The following MOSMO variants were observed in gnomAD, a reference collection of about 807,000 sequenced individuals.
MOSMO encodes modulator of smoothened.
MOSMO carries 5 observed loss-of-function variants against 18.4 expected under a neutral mutation model. The ratio of observed to expected loss-of-function variants is 0.27; its 90% CI spans 0.14 to 0.57. The LOEUF (loss-of-function observed/expected upper bound fraction) is 0.57, where lower values mean the gene tolerates loss of function less well. Ranked by LOEUF, MOSMO falls within the 20% of genes least tolerant of loss-of-function variation. MOSMO has a pLI of 0.92. For missense variants in MOSMO, 138 were observed against 211.8 expected (o/e 0.65, Z 2.16); for synonymous variants, 82 against 82.3 (o/e 1.00, Z 0.02).
chr16:22,025,172 A>G (rs929270091), intron 1 of MOSMO, among the ~76,000 whole-genome samples: 12 of 151,738 alleles, frequency 7.9e-5, no homozygotes, highest in South Asian at 2.1e-4. Flanking sequence ...AAAAAATTCT[A>G]TCTGTTCAGC....
At chr16:22,040,704 A>T (rs896387052) in intron 1 of MOSMO, among the ~76,000 whole-genome samples, 1 of 152,240 alleles carries the variant, frequency 6.6e-6, no homozygotes, top group Non-Finnish European at 1.5e-5. Context: ...ATCTAAGCAG[A>T]TGGAGAAGAA....
intron 1 of MOSMO, among the ~76,000 whole-genome samples, chr16:22,068,704 A>T (rs1667676128): frequency 6.6e-6 from 1 of 152,078 alleles, no homozygotes; most frequent in Non-Finnish European, 1.5e-5. Context: ...ATGTATTAGT[A>T]GTTCTTTTTT....
intron 1 of MOSMO, among the ~76,000 whole-genome samples, chr16:22,066,084 C>A (rs1900742117): frequency 6.6e-6 from 1 of 152,178 alleles, no homozygotes; most frequent in Non-Finnish European, 1.5e-5. Flanking sequence ...AGCCTCACAG[C>A]TATAGTAGCT....
intron 2 of MOSMO, among the ~76,000 whole-genome samples, chr16:22,077,731 C>A (rs1315290559): frequency 6.6e-6 from 1 of 152,120 alleles, no homozygotes; most frequent in African/African-American, 2.4e-5. Context: ...CCTCCTGGGG[C>A]TCCCTAGTCA....
At chr16:22,036,431 T>C (rs1424828306) in intron 1 of MOSMO, among the ~76,000 whole-genome samples, 2 of 152,038 alleles carry the variant, frequency 1.3e-5, no homozygotes, top group African/African-American at 4.8e-5. Flanking sequence ...TGGCCTAAAA[T>C]TTTTATTTGT....
downstream of MOSMO, among the ~76,000 whole-genome samples, chr16:22,091,696 C>T (rs1449261196): frequency 1.3e-5 from 2 of 152,138 alleles, no homozygotes; most frequent in Non-Finnish European, 2.9e-5. Context: ...ACCTCATGTT[C>T]TAACTGATAA....
rs1421680421 is a variant in MOSMO at position 22,051,665 on chromosome 16, C to G, written c.107-23822C>G. Reference sequence around the variant, plus strand: ...AATAAATCAATAAGCATAAGTGATTCACTGAGTTGTGTGACTTGTTCCAGC... The same window carrying G: ...AATAAATCAATAAGCATAAGTGATTGACTGAGTTGTGTGACTTGTTCCAGC... On this transcript the variant is annotated intron_variant, in intron 1 of 2. Transcript: ENST00000542527. Among the ~76,000 whole-genome samples, 4 of 152,252 alleles carry G rather than the reference C, an allele frequency of 2.6e-5. No individual in the cohort carries two copies. The East Asian group carries it at 7.7e-4, about 29-fold the overall frequency.
chr16:22,042,099 A>C (rs1377839954), intron 1 of MOSMO, among the ~76,000 whole-genome samples: 1 of 152,164 alleles, frequency 6.6e-6, no homozygotes, highest in East Asian at 1.9e-4. Flanking sequence ...GGTTTGCTTC[A>C]TTTGTATGAC....
rs546006347 is a variant in MOSMO at position 22,075,261 on chromosome 16, T to C, written c.107-226T>C. ...GAATGCCTGAGTGAACTGCCTGTTA[T>C]GACTTTTCTGAGGTCATTTGTTATT... On this transcript the variant is annotated intron_variant, in intron 1 of 2. Coordinates refer to ENST00000542527, the MANE Select transcript of MOSMO (RefSeq NM_001164579.2). The C allele has an allele frequency of 1.6e-5, 10 of 643,334 alleles. No homozygotes were observed. In the Admixed American group the frequency reaches 2.1e-4, roughly 14 times the overall value. The allele number at this position is 643,334 out of a possible 1,614,324, so 39.9% of individuals were successfully genotyped here.
intron 1 of MOSMO, among the ~76,000 whole-genome samples, chr16:22,033,408 G>C (rs1463378981): frequency 2.0e-5 from 3 of 151,794 alleles, no homozygotes; most frequent in Non-Finnish European, 4.4e-5. Context: ...GTTTTTTTGA[G>C]AGGGAGTCTC....
chr16:22,028,782 A>G (rs944276817), intron 1 of MOSMO, among the ~76,000 whole-genome samples: 3 of 152,136 alleles, frequency 2.0e-5, no homozygotes, highest in African/African-American at 7.2e-5. Flanking sequence ...TCCCATGTTT[A>G]TACTCTACTT....
rs1899884759 is a variant in MOSMO at position 22,026,739 on chromosome 16, A to G, written c.106+18332A>G. Among the ~76,000 whole-genome samples the G allele has an allele frequency of 2.0e-5, 3 of 152,234 alleles. No individual in the cohort carries two copies. In the South Asian group the frequency reaches 6.2e-4, roughly 31 times the overall value. ...AAAATAGCAATAAAACTAGGACATA[A>G]TAACTGGTTGTTAAATGAACTCTAT... On this transcript the variant is annotated intron_variant, in intron 1 of 2. Coordinates refer to ENST00000542527, the MANE Select transcript of MOSMO (RefSeq NM_001164579.2).
At chr16:22,031,820 T>A (rs904919069) in intron 1 of MOSMO, among the ~76,000 whole-genome samples, 1 of 152,220 alleles carries the variant, frequency 6.6e-6, no homozygotes, top group African/African-American at 2.4e-5. Flanking sequence ...CTGTGAACCA[T>A]GTACAGGTTT....
At chr16:22,014,085 C>A (rs1899589963) in intron 1 of MOSMO, among the ~76,000 whole-genome samples, 1 of 152,120 alleles carries the variant, frequency 6.6e-6, no homozygotes, top group East Asian at 1.9e-4. Context: ...ACAATCCAGT[C>A]CCAGACAGAA....
chr16:22,021,432 A>G (rs1899760183), intron 1 of MOSMO, among the ~76,000 whole-genome samples: 1 of 152,172 alleles, frequency 6.6e-6, no homozygotes, highest in Non-Finnish European at 1.5e-5. Context: ...CATCTTCATG[A>G]ATATCCTCTT....
intron 1 of MOSMO, among the ~76,000 whole-genome samples, chr16:22,060,560 A>T (rs1191312656): frequency 2.6e-5 from 4 of 152,148 alleles, no homozygotes; most frequent in Admixed American, 1.3e-4. Context: ...ATTTTTAGAT[A>T]TTGCTGCTGG....
At chr16:22,068,376 G>A (rs575729167) in intron 1 of MOSMO, among the ~76,000 whole-genome samples, 9 of 152,274 alleles carry the variant, frequency 5.9e-5, no homozygotes, top group Admixed American at 1.3e-4. Flanking sequence ...AACTTATGAA[G>A]TCCTTAAAAT....
At chr16:22,057,437 C>A (rs1398934020) in intron 1 of MOSMO, among the ~76,000 whole-genome samples, 2 of 152,198 alleles carry the variant, frequency 1.3e-5, no homozygotes, top group Non-Finnish European at 2.9e-5. Flanking sequence ...ACCTGAACAC[C>A]TTCCATTAGG....
At chr16:22,092,514 C>A (rs964143636), downstream of MOSMO, 120 of 1,285,318 alleles carry the variant, frequency 9.3e-5, 1 homozygote, top group Admixed American at 2.6e-3. Flanking sequence ...CCAGCTAACA[C>A]ATTCCCGCAG....
Sources: gnomAD v4.1 joint callset for allele counts (sites outside exome capture counted in the v4.1 genomes callset) on GRCh38, gnomAD v4.1.1 for gene constraint, MANE v1.5 for transcripts, NCBI Gene and HGNC (gene_info 2026-07-23, HGNC 2026-07-21) for gene names.